The following OPCML variants were observed in gnomAD, a reference collection of about 807,000 sequenced individuals.
OPCML encodes the protein opioid binding protein/cell adhesion molecule like.
A neutral mutation model predicts 37.8 loss-of-function variants in OPCML; 13 were observed. That is an observed-to-expected ratio of 0.34 (90% CI 0.22 to 0.55). The LOEUF is 0.55. OPCML is among the 20% of genes least tolerant of loss of function. OPCML has a pLI of 0.91. For synonymous variants in OPCML, 176 were observed against 168.8 expected (o/e 1.04, Z -0.33); for missense variants, 341 against 435.6 (o/e 0.78, Z 1.93).
At chr11:132,658,329 T>C (rs765683778) in intron 2 of OPCML, among the ~76,000 whole-genome samples, 1 of 152,162 alleles carries the variant, frequency 6.6e-6, no homozygotes, top group Non-Finnish European at 1.5e-5. Flanking sequence ...ACACGGGGAA[T>C]AGGCATGGCC....
chr11:133,146,312 C>CTTTTTTT (rs869237328), intron 1 of OPCML, among the ~76,000 whole-genome samples: 1 of 128,716 alleles, frequency 7.8e-6, no homozygotes, highest in Non-Finnish European at 1.6e-5. Flanking sequence ...TCCATCTTTT[C>CTTTTTTT]TTTTTTTTTT....
chr11:132,570,334 C>A (rs550329914), intron 3 of OPCML, among the ~76,000 whole-genome samples: 1 of 152,056 alleles, frequency 6.6e-6, no homozygotes, highest in African/African-American at 2.4e-5. Context: ...CATTGCTGAC[C>A]CCTGCTCTAG....
chr11:132,802,249 A>G (rs1384156357), intron 2 of OPCML, among the ~76,000 whole-genome samples: 1 of 151,900 alleles, frequency 6.6e-6, no homozygotes, highest in East Asian at 1.9e-4. Flanking sequence ...TTTTTTACCC[A>G]GGATCTGAAG....
intron 2 of OPCML, among the ~76,000 whole-genome samples, chr11:132,831,615 T>C (rs1940692940): frequency 6.6e-6 from 1 of 152,044 alleles, no homozygotes; most frequent in South Asian, 2.1e-4. Flanking sequence ...AACCCATCCA[T>C]CATAACTGGT....
chr11:133,138,954 A>C (rs1949731268), intron 1 of OPCML, among the ~76,000 whole-genome samples: 2 of 152,242 alleles, frequency 1.3e-5, no homozygotes, highest in Non-Finnish European at 2.9e-5. Context: ...TACCCAGCTG[A>C]ATGAACAGAC....
At chr11:133,497,772 C>T (rs2120504863) in intron 1 of OPCML, among the ~76,000 whole-genome samples, 1 of 152,310 alleles carries the variant, frequency 6.6e-6, no homozygotes, top group East Asian at 1.9e-4. Flanking sequence ...CAGCAAAAGG[C>T]TGCAAACTGT....
chr11:133,295,934 C>T (rs1942618325), intron 1 of OPCML, among the ~76,000 whole-genome samples: 1 of 152,198 alleles, frequency 6.6e-6, no homozygotes. Flanking sequence ...ACGAATATAA[C>T]ATCTGCCAGA....
chr11:132,549,824 C>T (rs1202528041), intron 3 of OPCML, among the ~76,000 whole-genome samples: 1 of 152,160 alleles, frequency 6.6e-6, no homozygotes, highest in Admixed American at 6.5e-5. Flanking sequence ...CTGAAGGAAC[C>T]AGTCTGTGAG....
intron 4 of OPCML, among the ~76,000 whole-genome samples, chr11:132,488,442 C>A (rs1266447325): frequency 1.3e-5 from 2 of 152,082 alleles, no homozygotes; most frequent in African/African-American, 4.8e-5. Flanking sequence ...GCCTATTGCT[C>A]CTAGGGTACA....
At chr11:132,760,392 G>A (rs898797117) in intron 2 of OPCML, among the ~76,000 whole-genome samples, 1 of 152,118 alleles carries the variant, frequency 6.6e-6, no homozygotes, top group Admixed American at 6.5e-5. Flanking sequence ...AATATTGACA[G>A]TCGAGTGTTA....
chr11:132,547,868 A>T (rs969670720), intron 3 of OPCML, among the ~76,000 whole-genome samples: 3 of 152,104 alleles, frequency 2.0e-5, no homozygotes, highest in Non-Finnish European at 4.4e-5. Flanking sequence ...CATTGGTGGA[A>T]AGTGAAGGAG....
intron 3 of OPCML, among the ~76,000 whole-genome samples, chr11:132,620,466 G>T (rs1939330927): frequency 1.3e-5 from 2 of 152,178 alleles, no homozygotes; most frequent in African/African-American, 2.4e-5. Context: ...GTGATTAAAT[G>T]CCAATGCCTT....
At chr11:132,511,209 A>G (rs1286342200) in intron 4 of OPCML, among the ~76,000 whole-genome samples, 2 of 152,142 alleles carry the variant, frequency 1.3e-5, no homozygotes, top group African/African-American at 4.8e-5. Context: ...CTTTATAATC[A>G]TTCAAAAATA....
chr11:133,288,785 C>T (rs1323434366), intron 1 of OPCML, among the ~76,000 whole-genome samples: 3 of 152,120 alleles, frequency 2.0e-5, no homozygotes, highest in African/African-American at 7.2e-5. Context: ...TTGCGAGAGA[C>T]CTCTGCTTTC....
At chr11:132,914,109 G>C (rs1253009574) in intron 2 of OPCML, among the ~76,000 whole-genome samples, 1 of 152,208 alleles carries the variant, frequency 6.6e-6, no homozygotes, top group Non-Finnish European at 1.5e-5. Flanking sequence ...GCTGCGAGGA[G>C]GTAAGAGGGA....
chr11:133,088,804 A>AG (rs772375280), intron 1 of OPCML, among the ~76,000 whole-genome samples: 1 of 152,162 alleles, frequency 6.6e-6, no homozygotes, highest in Non-Finnish European at 1.5e-5. Flanking sequence ...ACCATCTGAG[A>AG]GGGGGGCAGG....
In OPCML at chr11:132,629,771, T is replaced by G. The variant is rs1447900432; in HGVS notation, c.379+27316A>C. 3.3e-5 allele frequency among the ~76,000 whole-genome samples: 5 copies of G among 152,276 alleles called. No homozygotes were observed. The East Asian group carries it at 9.6e-4, about 29-fold the overall frequency. Reference sequence around the variant, plus strand: ...TTAAAACCAAGCAGATAAAGAAAACTGGAAAACATATTAACTAGAAACATG... The same window carrying G: ...TTAAAACCAAGCAGATAAAGAAAACGGGAAAACATATTAACTAGAAACATG... On this transcript the variant is annotated intron_variant, in intron 3 of 7. Coordinates refer to ENST00000524381, the MANE Select transcript of OPCML (RefSeq NM_001012393.5).
chr11:133,411,922 G>A (rs541748588), intron 1 of OPCML, among the ~76,000 whole-genome samples: 3 of 152,272 alleles, frequency 2.0e-5, no homozygotes, highest in East Asian at 1.9e-4. Flanking sequence ...CCCCCCACAC[G>A]TTGACAATCA....
At chr11:132,776,057 G>A (rs1275762040) in intron 2 of OPCML, among the ~76,000 whole-genome samples, 4 of 152,074 alleles carry the variant, frequency 2.6e-5, no homozygotes, top group Non-Finnish European at 5.9e-5. Flanking sequence ...AGCCTCCCAA[G>A]TAGCTGGGAC....
Sources: gnomAD v4.1 joint callset for allele counts (sites outside exome capture counted in the v4.1 genomes callset) on GRCh38, gnomAD v4.1.1 for gene constraint, MANE v1.5 for transcripts, NCBI Gene and HGNC (gene_info 2026-07-23, HGNC 2026-07-21) for gene names.